AGPAT4: variants seen among roughly 807,000 people sequenced by gnomAD.
AGPAT4 encodes the protein 1-acylglycerol-3-phosphate O-acyltransferase 4.
In AGPAT4, 15 loss-of-function variants were observed where a neutral mutation model predicts 48.0. The observed-to-expected ratio is 0.31, with a 90% confidence interval of 0.21 to 0.48. The LOEUF (loss-of-function observed/expected upper bound fraction) is 0.48. Ranked by LOEUF, AGPAT4 falls within the 20% of genes least tolerant of loss-of-function variation. AGPAT4 has a pLI of 0.99. For missense variants in AGPAT4, 314 were observed against 482.5 expected (o/e 0.65, Z 3.27); for synonymous variants, 178 against 198.7 (o/e 0.90, Z 0.88).
In AGPAT4 at chr6:161,136,297, A is replaced by G. The variant is rs1779062991; in HGVS notation, c.*243T>C. On this transcript the variant is annotated 3_prime_UTR_variant, in exon 9 of 9. Transcript: ENST00000320285. ...CAAAGTTCACACTCACCACACAGCCATTCTCACACACACTCGCACAAAAAG... is the reference window on the plus strand; with the variant it reads ...CAAAGTTCACACTCACCACACAGCCGTTCTCACACACACTCGCACAAAAAG... 2.1e-6 allele frequency: 1 copy of G among 485,214 alleles called. No homozygotes were observed. The highest frequency in any genetic ancestry group is 3.4e-5 in the Admixed American group (1 of 29,800). 30.1% of individuals were successfully genotyped at this position (485,214 alleles called of 1,614,324 possible).
rs561713691 is a variant in AGPAT4, at chr6:161,169,319, C to T, written c.179-2902G>A. Among the ~76,000 whole-genome samples the T allele has an allele frequency of 5.9e-5, 9 of 152,270 alleles. No homozygotes were observed. The highest frequency in any genetic ancestry group is 9.6e-5 in the African/African-American group (4 of 41,562). On this transcript the variant is annotated intron_variant, in intron 2 of 8. Coordinates refer to ENST00000320285, the MANE Select transcript of AGPAT4 (RefSeq NM_020133.3). This position sits in a 1 kb window ranked among gnomAD's most constrained non-coding sequence, Gnocchi z 5.0. ...AGACTGGAATAGGGAGGCCAGTTAG[C>T]GGGTGACTACATCAGCACAGCGAGA... is the stretch of plus-strand genomic sequence containing the variant.
rs995570160 is a variant in AGPAT4 at position 161,243,782 on chromosome 6, C to T, written c.-89-11480G>A. On this transcript the variant is annotated intron_variant, in intron 1 of 8. Transcript: ENST00000320285. The surrounding 1 kb of genome is among the most constrained non-coding windows in gnomAD (Gnocchi z 4.8). ...TCTTACTCACTTCTCCACTGTGGCTCTCATTATCTGTTTGTTTATTTCAAT... is the reference window on the plus strand; with the variant it reads ...TCTTACTCACTTCTCCACTGTGGCTTTCATTATCTGTTTGTTTATTTCAAT... Among the ~76,000 whole-genome samples, 1 of 152,182 alleles carries T rather than the reference C, an allele frequency of 6.6e-6. No homozygotes were observed. The highest frequency in any genetic ancestry group is 2.1e-4 in the South Asian group (1 of 4,828).
rs181154208 is a variant in AGPAT4 at position 161,251,660 on chromosome 6, G to C, written c.-89-19358C>G. 2.9e-3 allele frequency among the ~76,000 whole-genome samples: 440 copies of C among 152,316 alleles called. 2 individuals are homozygous for C. Among genetic ancestry groups the C allele is most frequent in the African/African-American group, 0.01 (417 of 41,574 alleles). On this transcript the variant is annotated intron_variant, in intron 1 of 8. Transcript: ENST00000320285. This position sits in a 1 kb window ranked among gnomAD's most constrained non-coding sequence, Gnocchi z 4.6. ...TGAGAGCTCCTGCAAGTTCATTTGT[G>C]CCAACGTATTCCCAGGTGGGAATGA... is the stretch of plus-strand genomic sequence containing the variant.
intron 2 of AGPAT4, among the ~76,000 whole-genome samples, chr6:161,190,582 CA>C (rs1780895619): frequency 1.0e-5 from 1 of 97,466 alleles, no homozygotes; most frequent in African/African-American, 4.2e-5. Context: ...CAGAAGAAAC[CA>C]AGGGAAAAAA....
rs1404185023 is a variant in AGPAT4 at position 161,134,088 on chromosome 6, A to G, written c.*2452T>C. 6.6e-6 allele frequency: 1 copy of G among 152,232 alleles called. No individual in the cohort carries two copies. Among genetic ancestry groups the G allele is most frequent in the Non-Finnish European group, 1.5e-5 (1 of 68,082 alleles). 9.4% of individuals were successfully genotyped at this position (152,232 alleles called of 1,614,324 possible). A position where few individuals can be genotyped will look rare whatever the true frequency, so the allele number is the denominator to read the frequency against. On this transcript the variant is annotated 3_prime_UTR_variant, in exon 9 of 9. Transcript: ENST00000320285. ...AAACCAGGTTCCCAGGCTGCATAACAAAATTGTTCTTCGTGGACAGGTCAA... is the reference window on the plus strand; with the variant it reads ...AAACCAGGTTCCCAGGCTGCATAACGAAATTGTTCTTCGTGGACAGGTCAA...
chr6:161,216,382 A>C lies in AGPAT4; in HGVS notation c.178+15654T>G, dbSNP rs1014823824. 6.6e-6 allele frequency among the ~76,000 whole-genome samples: 1 copy of C among 152,198 alleles called. No individual in the cohort carries two copies. The highest frequency in any genetic ancestry group is 6.5e-5 in the Admixed American group (1 of 15,280). On this transcript the variant is annotated intron_variant, in intron 2 of 8. Transcript: ENST00000320285. This position sits in a 1 kb window ranked among gnomAD's most constrained non-coding sequence, Gnocchi z 4.8. Reference sequence around the variant, plus strand: ...GCGTCTCTTGTCCAGGATGACAGACAACCTCTGCAACTGCCTTCTACAATC... The same window carrying C: ...GCGTCTCTTGTCCAGGATGACAGACCACCTCTGCAACTGCCTTCTACAATC...
rs879417004 is a variant in AGPAT4 at position 161,147,875 on chromosome 6, A to G, written c.768-1276T>C. ...TTTGTACTGATGTGTGTTCAGAAAC[A>G]TGCCTCAATCATTTTTAATGGGCAG... On this transcript the variant is annotated intron_variant, in intron 6 of 8. Transcript: ENST00000320285. This position sits in a 1 kb window ranked among gnomAD's most constrained non-coding sequence, Gnocchi z 4.8. 2.6e-5 allele frequency among the ~76,000 whole-genome samples: 4 copies of G among 152,222 alleles called. No individual in the cohort carries two copies. The highest frequency in any genetic ancestry group is 2.6e-4 in the Admixed American group (4 of 15,282).
intron 2 of AGPAT4, among the ~76,000 whole-genome samples, chr6:161,172,096 TA>T (rs1315679861): frequency 6.6e-6 from 1 of 151,916 alleles, no homozygotes; most frequent in East Asian, 1.9e-4. Context: ...AATTGAAAAA[TA>T]GTATATCTGG....
At position 161,235,300 on chromosome 6, in the gene AGPAT4, C is replaced by T. The variant is rs535197819; in HGVS notation, c.-89-2998G>A. ...TAATTTCGTGAAACTTAGGCGGATTCTCAAATTTATATGCAAACGCCAAAA... is the reference window on the plus strand; with the variant it reads ...TAATTTCGTGAAACTTAGGCGGATTTTCAAATTTATATGCAAACGCCAAAA... On this transcript the variant is annotated intron_variant, in intron 1 of 8. Transcript: ENST00000320285. This position sits in a 1 kb window ranked among gnomAD's most constrained non-coding sequence, Gnocchi z 6.2. Among the ~76,000 whole-genome samples, 25 of 152,284 alleles carry T rather than the reference C, an allele frequency of 1.6e-4. No homozygotes were observed. The highest frequency in any genetic ancestry group is 6.0e-4 in the African/African-American group (25 of 41,552).
In AGPAT4 at chr6:161,178,212, C is replaced by G. The variant is rs1290124874; in HGVS notation, c.179-11795G>C. ...GGGACCTTTAAGTCTGCAGAAGTTTCTGCTGCCCTGCCCCCAGAGGTGGAG... is the reference window on the plus strand; with the variant it reads ...GGGACCTTTAAGTCTGCAGAAGTTTGTGCTGCCCTGCCCCCAGAGGTGGAG... On this transcript the variant is annotated intron_variant, in intron 2 of 8. Coordinates refer to ENST00000320285, the MANE Select transcript of AGPAT4 (RefSeq NM_020133.3). This position sits in a 1 kb window ranked among gnomAD's most constrained non-coding sequence, Gnocchi z 5.1. Among the ~76,000 whole-genome samples the G allele has an allele frequency of 5.3e-5, 8 of 152,058 alleles. No individual in the cohort carries two copies. Among genetic ancestry groups the G allele is most frequent in the Admixed American group, 5.2e-4 (8 of 15,270 alleles).
chr6:161,181,410 T>C (rs1405797153), intron 2 of AGPAT4, among the ~76,000 whole-genome samples: 1 of 151,150 alleles, frequency 6.6e-6, no homozygotes, highest in Non-Finnish European at 1.5e-5. Flanking sequence ...TGTCCCCTCT[T>C]CTAAGCTTCC....
rs1783133578 is a variant in AGPAT4, at chr6:161,262,558, T to C, written c.-90+11380A>G. Among the ~76,000 whole-genome samples the C allele has an allele frequency of 6.6e-6, 1 of 152,002 alleles. No individual in the cohort carries two copies. The highest frequency in any genetic ancestry group is 2.4e-5 in the African/African-American group (1 of 41,380). ...CCTGGGCAAAGTCCCCAGCCTAGAGTTCCTCCTTCCACATCTTATTGTAAA... is the reference window on the plus strand; with the variant it reads ...CCTGGGCAAAGTCCCCAGCCTAGAGCTCCTCCTTCCACATCTTATTGTAAA... On this transcript the variant is annotated intron_variant, in intron 1 of 8. Coordinates refer to ENST00000320285, the MANE Select transcript of AGPAT4 (RefSeq NM_020133.3). The surrounding 1 kb of genome is among the most constrained non-coding windows in gnomAD (Gnocchi z 4.9).
In AGPAT4 at chr6:161,197,389, G is replaced by A. The variant is rs1781099474; in HGVS notation, c.179-30972C>T. ...CCTGCTTATGTTTATTTCTTAACAT[G>A]TTATTCCATGTGGTCATGGTAAATA... On this transcript the variant is annotated intron_variant, in intron 2 of 8. Transcript: ENST00000320285. The surrounding 1 kb of genome is among the most constrained non-coding windows in gnomAD (Gnocchi z 5.7). Among the ~76,000 whole-genome samples, 1 of 152,132 alleles carries A rather than the reference G, an allele frequency of 6.6e-6. No individual in the cohort carries two copies. The highest frequency in any genetic ancestry group is 1.5e-5 in the Non-Finnish European group (1 of 68,032).
chr6:161,219,872 T>C lies in AGPAT4; in HGVS notation c.178+12164A>G, dbSNP rs868812324. Among the ~76,000 whole-genome samples the C allele has an allele frequency of 5.9e-3, 719 of 121,040 alleles. 1 individual carries two copies. Among genetic ancestry groups the C allele is most frequent in the Non-Finnish European group, 8.2e-3 (440 of 53,700 alleles). The allele number at this position is 121,040 out of a possible 152,430, so 79.4% of individuals were successfully genotyped here. ...ATAGATAGATAGATAGATAGATAGA[T>C]AGGCAGGCAGGCAGGCAGGCAGGCA... On this transcript the variant is annotated intron_variant, in intron 2 of 8. Coordinates refer to ENST00000320285, the MANE Select transcript of AGPAT4 (RefSeq NM_020133.3). This position sits in a 1 kb window ranked among gnomAD's most constrained non-coding sequence, Gnocchi z 4.9.
At chr6:161,241,137 C>G (rs1782473688) in intron 1 of AGPAT4, among the ~76,000 whole-genome samples, 1 of 151,720 alleles carries the variant, frequency 6.6e-6, no homozygotes, top group Non-Finnish European at 1.5e-5. Context: ...GTGGCAGGCA[C>G]CTGTAATCCC....
Position 161,140,130 on chromosome 6 carries a change from T to C in AGPAT4, c.844-510A>G, listed in dbSNP as rs1779204142. Among the ~76,000 whole-genome samples, 1 of 152,176 alleles carries C rather than the reference T, an allele frequency of 6.6e-6. No individual in the cohort carries two copies. The highest frequency in any genetic ancestry group is 6.5e-5 in the Admixed American group (1 of 15,282). Reference sequence around the variant, plus strand: ...CCGCCTTCCCGGCCTCCACAGCCAGTTCACCTCGGGCAGCCCACCCGCACC... The same window carrying C: ...CCGCCTTCCCGGCCTCCACAGCCAGCTCACCTCGGGCAGCCCACCCGCACC... On this transcript the variant is annotated intron_variant, in intron 7 of 8. Transcript: ENST00000320285. The surrounding 1 kb of genome is among the most constrained non-coding windows in gnomAD (Gnocchi z 6.5).
chr6:161,188,919 T>A (rs1019239390), intron 2 of AGPAT4, among the ~76,000 whole-genome samples: 4 of 152,166 alleles, frequency 2.6e-5, no homozygotes, highest in African/African-American at 9.7e-5. Flanking sequence ...TTTCCCAAGG[T>A]CATGCCCATT....
chr6:161,246,370 A>G lies in AGPAT4; in HGVS notation c.-89-14068T>C, dbSNP rs1301244519. Among the ~76,000 whole-genome samples, 2 of 152,100 alleles carry G rather than the reference A, an allele frequency of 1.3e-5. No individual in the cohort carries two copies. The highest frequency in any genetic ancestry group is 1.5e-5 in the Non-Finnish European group (1 of 68,034). On this transcript the variant is annotated intron_variant, in intron 1 of 8. Coordinates refer to ENST00000320285, the MANE Select transcript of AGPAT4 (RefSeq NM_020133.3). The surrounding 1 kb of genome is among the most constrained non-coding windows in gnomAD (Gnocchi z 5.5). ...TTGATTCATATTTAAGTTCTACTAT[A>G]TACTAACATTGCATTAGACTTCTGA... is the stretch of plus-strand genomic sequence containing the variant.
At chr6:161,183,856 G>T (rs1055103060) in intron 2 of AGPAT4, among the ~76,000 whole-genome samples, 2 of 151,734 alleles carry the variant, frequency 1.3e-5, no homozygotes, top group Non-Finnish European at 2.9e-5. Flanking sequence ...CTGGGGACAT[G>T]GGGAAGCAGG....
Sources: allele counts gnomAD v4.1 joint callset (sites outside exome capture counted in the v4.1 genomes callset), GRCh38; gene constraint gnomAD v4.1.1; non-coding constraint Gnocchi (gnomAD v3.1); transcripts MANE v1.5; gene names NCBI Gene and HGNC (gene_info 2026-07-23, HGNC 2026-07-21).